The following TSPOAP1 variants were observed in gnomAD, a reference collection of about 807,000 sequenced individuals.
The protein encoded by TSPOAP1 is TSPO associated protein 1, also known as peripheral-type benzodiazepine receptor-associated protein 1.
Under a neutral mutation model 197.0 loss-of-function variants are expected in TSPOAP1, and 87 were observed. That is an observed-to-expected ratio of 0.44 (90% CI 0.37 to 0.53). The LOEUF (loss-of-function observed/expected upper bound fraction) is 0.53, where lower values mean the gene tolerates loss of function less well. Among genes scored for constraint, TSPOAP1 ranks in the 20% least tolerant of loss-of-function variants. The probability of loss-of-function intolerance (pLI) is 0.00; values close to 1 mark genes in which losing one functional copy is unlikely to be tolerated. For missense variants in TSPOAP1, 2,174 were observed against 2,411.3 expected (o/e 0.90, Z 2.06); for synonymous variants, 913 against 998.9 (o/e 0.91, Z 1.62).
chr17:58,302,149 C>T lies in TSPOAP1; in HGVS notation c.*331G>A, dbSNP rs192916775. On this transcript the variant is annotated 3_prime_UTR_variant, in exon 32 of 32. Coordinates refer to ENST00000343736, the MANE Select transcript of TSPOAP1 (RefSeq NM_004758.4). ...AGGCTCTTTGATTCCCTCTGAATGC[C>T]ACAGTGTTAACGCAGAAGAACGGGG... 6.8e-5 allele frequency: 63 copies of T among 932,504 alleles called. No individual in the cohort carries two copies. Among genetic ancestry groups the T allele is most frequent in the Non-Finnish European group, 8.5e-5 (60 of 704,442 alleles). 57.8% of individuals were successfully genotyped at this position (932,504 alleles called of 1,614,324 possible).
In TSPOAP1 at chr17:58,309,106, GC is replaced by G; in HGVS notation, c.4165del (p.Ala1389LeufsTer11). 1 of 1,613,730 alleles carries G rather than the reference GC, an allele frequency of 6.2e-7. No homozygotes were observed. The highest frequency in any genetic ancestry group is 8.5e-7 in the Non-Finnish European group (1 of 1,180,040). On this transcript the variant is annotated frameshift_variant, in exon 22 of 32. Coordinates refer to ENST00000343736, the MANE Select transcript of TSPOAP1 (RefSeq NM_004758.4). LOFTEE classifies it high-confidence loss of function. The surrounding 1 kb of genome is among the most constrained non-coding windows in gnomAD (Gnocchi z 5.0). ...QCPLSPESSR[A>X]GDCLEDMPGL... is the part of the protein sequence containing the mutation. ...AGGCATGTCTTCCAGGCAGTCTCCAGCCCTGGAGGACTCAGGAGACAAGGGA... is the reference window on the plus strand; with the variant it reads ...AGGCATGTCTTCCAGGCAGTCTCCAGCCTGGAGGACTCAGGAGACAAGGGA...
chr17:58,319,540 A>G (rs1971337694), intron 12 of TSPOAP1, among the ~76,000 whole-genome samples: 1 of 152,164 alleles, frequency 6.6e-6, no homozygotes, highest in African/African-American at 2.4e-5. Context: ...GGGGCCTGCC[A>G]CACACTCACC....
At chr17:58,323,152 T>A in intron 7 of TSPOAP1, 113 bp from the exon 8 acceptor site, 5 of 1,464,128 alleles carry the variant, frequency 3.4e-6, no homozygotes, top group Non-Finnish European at 4.7e-6. Flanking sequence ...TGCTGGAACC[T>A]GCACCAGCCA....
At position 58,316,592 on chromosome 17, in the gene TSPOAP1, C is replaced by A. The variant is rs767750413; in HGVS notation, c.1873-52G>T. 3 of 1,475,442 alleles carry A rather than the reference C, an allele frequency of 2.0e-6. No homozygotes were observed. In the African/African-American group the frequency reaches 4.2e-5, roughly 21 times the overall value. 91.4% of individuals were successfully genotyped at this position (1,475,442 alleles called of 1,614,324 possible). A position where few individuals can be genotyped will look rare whatever the true frequency, so the allele number is the denominator to read the frequency against. On this transcript the variant is annotated intron_variant, in intron 14 of 31. Transcript: ENST00000343736. ...TCTCTTCAGGGCCTGGGGCCAAGCG[C>A]CAAGCAGGCAGGTTTCCAGGCTGAG...
intron 17 of TSPOAP1, 26 bp from the exon 18 acceptor site, chr17:58,311,748 A>G: frequency 6.5e-7 from 1 of 1,542,084 alleles, no homozygotes; most frequent in Non-Finnish European, 8.8e-7. Flanking sequence ...CACAAGACCC[A>G]GTGATGCAGG....
chr17:58,305,931 G>A (rs1036323089), intron 26 of TSPOAP1, 66 bp from the exon 27 acceptor site: 49 of 1,477,702 alleles, frequency 3.3e-5, no homozygotes, highest in African/African-American at 9.9e-5. Flanking sequence ...GTGCTGCAGC[G>A]CAGGCCAGAC....
intron 26 of TSPOAP1, 49 bp from the exon 27 acceptor site, chr17:58,305,914 G>A (rs1399987715): frequency 3.9e-6 from 6 of 1,531,120 alleles, no homozygotes; most frequent in Non-Finnish European, 2.7e-6. Context: ...GCCCACCCAG[G>A]CTGCAGGTGC....
chr17:58,311,565 C>A lies in TSPOAP1; in HGVS notation c.3081+6G>T. The A allele has an allele frequency of 6.4e-7, 1 of 1,567,826 alleles. No individual in the cohort carries two copies. The highest frequency in any genetic ancestry group is 1.2e-5 in the South Asian group (1 of 84,324). On this transcript the variant is annotated splice_donor_region_variant and intron_variant, in intron 18 of 31. Coordinates refer to ENST00000343736, the MANE Select transcript of TSPOAP1 (RefSeq NM_004758.4). Reference sequence around the variant, plus strand: ...CACTCCCAGGGTACAGTGGGCAGGGCTATACCTTCTGCCCATCAGCGTAGA... The same window carrying A: ...CACTCCCAGGGTACAGTGGGCAGGGATATACCTTCTGCCCATCAGCGTAGA...
Position 58,322,418 on chromosome 17 carries a change from A to G in TSPOAP1, c.1318-6T>C. 6.2e-7 allele frequency: 1 copy of G among 1,605,692 alleles called. No homozygotes were observed. The highest frequency in any genetic ancestry group is 8.5e-7 in the Non-Finnish European group (1 of 1,179,852). On this transcript the variant is annotated splice_polypyrimidine_tract_variant and splice_region_variant and intron_variant, in intron 9 of 31. Coordinates refer to ENST00000343736, the MANE Select transcript of TSPOAP1 (RefSeq NM_004758.4). The surrounding 1 kb of genome is among the most constrained non-coding windows in gnomAD (Gnocchi z 5.0). Reference sequence around the variant, plus strand: ...TGGGCCACCTCCCGCATGTGCTGAAACACAAGATCTGAGTCAAGGCCAGAG... The same window carrying G: ...TGGGCCACCTCCCGCATGTGCTGAAGCACAAGATCTGAGTCAAGGCCAGAG...
At position 58,309,240 on chromosome 17, in the gene TSPOAP1, CTCCTCG is replaced by C; in HGVS notation, c.4026_4031del (p.Asp1342_Glu1343del). 6.2e-7 allele frequency: 1 copy of C among 1,613,844 alleles called. No homozygotes were observed. Among genetic ancestry groups the C allele is most frequent in the South Asian group, 1.1e-5 (1 of 91,086 alleles). On this transcript the variant is annotated inframe_deletion, in exon 22 of 32. Transcript: ENST00000343736. This position sits in a 1 kb window ranked among gnomAD's most constrained non-coding sequence, Gnocchi z 5.0. Reference sequence around the variant, plus strand: ...AACAGCCTGCCCCTGACTTCTCCTCCTCCTCGTCCTCCTCTTCCTCTTCCTCCTCCT... The same window carrying C: ...AACAGCCTGCCCCTGACTTCTCCTCCTCCTCCTCTTCCTCTTCCTCCTCCT...
In TSPOAP1 at chr17:58,324,957, G is replaced by C; in HGVS notation, c.796C>G (p.Arg266Gly). 1 of 1,539,702 alleles carries C rather than the reference G, an allele frequency of 6.5e-7. No individual in the cohort carries two copies. The highest frequency in any genetic ancestry group is 8.7e-7 in the Non-Finnish European group (1 of 1,144,586). ...LHVRDFDRLL[R>G]ESQREVLRLQ... ...CGCAGCACCTCCCGCTGGGACTCGC[G>C]CAGCAGCCGATCGAAGTCCCGCACG... The change falls in exon 5 of 32, where the codon CGC becomes GGC. Residue 266 changes from arginine (R) to glycine (G), a missense_variant. Arg to Gly is a moderately radical substitution (Grantham distance 125). Transcript: ENST00000343736. The surrounding 1 kb of genome is among the most constrained non-coding windows in gnomAD (Gnocchi z 5.8).
chr17:58,309,368 G>A lies in TSPOAP1; in HGVS notation c.3904C>T (p.Pro1302Ser). Reference sequence around the variant, plus strand: ...TCATCGCTGTCAGTCTCACAAAAGGGGTCGGGCTGGGACTGGTGGAGGTGG... The same window carrying A: ...TCATCGCTGTCAGTCTCACAAAAGGAGTCGGGCTGGGACTGGTGGAGGTGG... ...RENGAKSQPDPFCETDSDEEI... is the reference protein window; with the variant it reads ...RENGAKSQPDSFCETDSDEEI... Residue 1302 changes from proline (P) to serine (S), a missense_variant, in exon 22 of 32, where the codon CCC becomes TCC. Pro to Ser is a moderately conservative substitution (Grantham distance 74). This residue lies in a region of TSPOAP1 where 1,933 missense variants were observed against 2,139.0 expected (regional missense o/e 0.90). Transcript: ENST00000343736. The surrounding 1 kb of genome is among the most constrained non-coding windows in gnomAD (Gnocchi z 5.0). 6.2e-7 allele frequency: 1 copy of A among 1,610,140 alleles called. No individual in the cohort carries two copies. The highest frequency in any genetic ancestry group is 8.5e-7 in the Non-Finnish European group (1 of 1,179,062).
chr17:58,320,492 C>T (rs764943093), intron 11 of TSPOAP1, 39 bp downstream of exon 11: 12 of 1,496,574 alleles, frequency 8.0e-6, no homozygotes, highest in Non-Finnish European at 1.1e-5. Context: ...GCCTTCCTCC[C>T]AAGATGGTGG....
intron 7 of TSPOAP1, 75 bp downstream of exon 7, chr17:58,323,223 C>T: frequency 6.4e-7 from 1 of 1,564,568 alleles, no homozygotes; most frequent in Non-Finnish European, 8.8e-7. Context: ...GGGAGCAGAG[C>T]TGAGAGGGAG....
At position 58,311,728 on chromosome 17, in the gene TSPOAP1, G is replaced by A; in HGVS notation, c.2930-6C>T. ...CAGAGGGGCATCAGGTGGGCCTGGG[G>A]GCAGGGGGGCACAAGACCCAGTGAT... is the stretch of plus-strand genomic sequence containing the variant. On this transcript the variant is annotated splice_polypyrimidine_tract_variant and splice_region_variant and intron_variant, in intron 17 of 31. Coordinates refer to ENST00000343736, the MANE Select transcript of TSPOAP1 (RefSeq NM_004758.4). 6.4e-7 allele frequency: 1 copy of A among 1,557,388 alleles called. No homozygotes were observed. The highest frequency in any genetic ancestry group is 8.7e-7 in the Non-Finnish European group (1 of 1,148,724).
Position 58,318,315 on chromosome 17 carries a change from T to C in TSPOAP1, c.1837A>G (p.Ile613Val). 6.2e-7 allele frequency: 1 copy of C among 1,614,138 alleles called. No homozygotes were observed. Among genetic ancestry groups the C allele is most frequent in the Non-Finnish European group, 8.5e-7 (1 of 1,179,998 alleles). Reference protein sequence around the residue: ...SLSNSSHSESIHNSPKSCPTP... With the variant: ...SLSNSSHSESVHNSPKSCPTP... ...GGGCATGACTTGGGGCTGTTGTGGA[T>C]GGACTCGGAGTGGGAGGAGTTGGAG... Residue 613 changes from isoleucine (I) to valine (V), a missense_variant, in exon 14 of 32, where the codon ATC becomes GTC. Around this residue, in one of 5 missense-constraint regions of TSPOAP1, gnomAD observed 1,933 missense variants for 2,139.0 expected, o/e 0.90. Transcript: ENST00000343736.
At chr17:58,305,030 T>C in intron 30 of TSPOAP1, 31 bp downstream of exon 30, 1 of 1,565,854 alleles carries the variant, frequency 6.4e-7, no homozygotes, top group South Asian at 1.1e-5. Context: ...TAGACTGCCC[T>C]GCCAAGCTGG....
At chr17:58,314,868 G>A (rs1009118397) in intron 16 of TSPOAP1, among the ~76,000 whole-genome samples, 2 of 152,202 alleles carry the variant, frequency 1.3e-5, no homozygotes, top group African/African-American at 2.4e-5. Context: ...AACAGCCTAG[G>A]TGGCCCAGAC....
chr17:58,322,361 G>A lies in TSPOAP1; in HGVS notation c.1369C>T (p.Gln457Ter). 6.2e-7 allele frequency: 1 copy of A among 1,606,018 alleles called. No individual in the cohort carries two copies. Among genetic ancestry groups the A allele is most frequent in the Non-Finnish European group, 8.5e-7 (1 of 1,179,982 alleles). ...RRQQLEVEHEQARLSLREKQE... is the reference protein window; with the variant it reads ...RRQQLEVEHE ...TTCTCCCGTAGGCTGAGCCGAGCCT[G>A]TTCATGCTCCACCTCCAGCTGCTGC... Residue 457 changes from glutamine to a stop codon, truncating the protein, a stop_gained, in exon 10 of 32, where the codon CAG becomes TAG. Transcript: ENST00000343736. LOFTEE classifies it high-confidence loss of function. This position sits in a 1 kb window ranked among gnomAD's most constrained non-coding sequence, Gnocchi z 5.0.
Sources: gnomAD v4.1 joint callset for allele counts (sites outside exome capture counted in the v4.1 genomes callset) on GRCh38, gnomAD v4.1.1 for gene constraint, gnomAD v4.1.1 regional missense constraint, Gnocchi (gnomAD v3.1) non-coding constraint, MANE v1.5 for transcripts, NCBI Gene and HGNC (gene_info 2026-07-23, HGNC 2026-07-21) for gene names.